SEC14L5: variants seen among roughly 807,000 people sequenced by gnomAD.
SEC14L5 encodes SEC14 like lipid binding 5.
Under a neutral mutation model 84.6 loss-of-function variants are expected in SEC14L5, and 96 were observed. The observed-to-expected ratio is 1.13, with a 90% CI of 0.96 to 1.34. SEC14L5 has a LOEUF of 1.34. Among genes scored for constraint, SEC14L5 ranks in the 40% most tolerant of loss-of-function variants. The pLI is 0.00. For synonymous variants in SEC14L5, 546 were observed against 383.4 expected (o/e 1.42, Z -4.95); for missense variants, 1,224 against 942.5 (o/e 1.30, Z -3.91).
At chr16:4,971,112 A>G (rs966951896) in intron 2 of SEC14L5, among the ~76,000 whole-genome samples, 2 of 150,708 alleles carry the variant, frequency 1.3e-5, no homozygotes, top group Non-Finnish European at 3.0e-5. Context: ...AAAAAAAAGA[A>G]CTAGCTGACT....
intron 10 of SEC14L5, 145 bp from the exon 11 acceptor site, chr16:5,003,257 C>T (rs184935259): frequency 9.1e-5 from 58 of 637,202 alleles, no homozygotes; most frequent in Non-Finnish European, 1.3e-4. Context: ...TCCTCTTCAT[C>T]GCATGGGCTC....
rs1414749495 is a variant in SEC14L5 at position 5,018,063 on chromosome 16, T to TGACCAGGTGACTTAACCTC, written c.*3094_*3112dup. On this transcript the variant is annotated 3_prime_UTR_variant, in exon 16 of 16. Coordinates refer to ENST00000251170, the MANE Select transcript of SEC14L5 (RefSeq NM_014692.2). ...CTTCCTTTCACTAGCTGTGTAACCT[T>TGACCAGGTGACTTAACCTC]GACCAGGTGACTTAACCTCTCTGTG... 2 of 152,428 alleles carry TGACCAGGTGACTTAACCTC rather than the reference T, an allele frequency of 1.3e-5. No individual in the cohort carries two copies. The highest frequency in any genetic ancestry group is 2.9e-5 in the Non-Finnish European group (2 of 68,206). 9.4% of individuals were successfully genotyped at this position (152,428 alleles called of 1,614,324 possible).
At chr16:4,964,919 T>C (rs571062376) in intron 2 of SEC14L5, among the ~76,000 whole-genome samples, 29 of 151,988 alleles carry the variant, frequency 1.9e-4, no homozygotes, top group Admixed American at 4.6e-4. Context: ...TTAGTAGACA[T>C]GGGGTTTCAC....
intron 2 of SEC14L5, among the ~76,000 whole-genome samples, chr16:4,963,431 C>T (rs1374012970): frequency 2.6e-5 from 4 of 151,972 alleles, no homozygotes; most frequent in African/African-American, 4.8e-5. Context: ...CTGCAACCTC[C>T]GCCTTCTGGG....
chr16:4,964,068 A>C (rs80242938), intron 2 of SEC14L5, among the ~76,000 whole-genome samples: 4 of 152,190 alleles, frequency 2.6e-5, no homozygotes, highest in Non-Finnish European at 5.9e-5. Flanking sequence ...GAGAAAAACA[A>C]TTAAGACAAT....
At chr16:4,984,956 CAT>C (rs1478504070) in intron 2 of SEC14L5, among the ~76,000 whole-genome samples, 1 of 152,206 alleles carries the variant, frequency 6.6e-6, no homozygotes, top group Non-Finnish European at 1.5e-5. Context: ...TCTACACACA[CAT>C]GTACACATAT....
chr16:4,977,511 T>C (rs1470922838), intron 2 of SEC14L5, among the ~76,000 whole-genome samples: 2 of 135,604 alleles, frequency 1.5e-5, no homozygotes, highest in East Asian at 2.1e-4. Context: ...AGAGTTAAAA[T>C]GAACACATGC....
intron 2 of SEC14L5, among the ~76,000 whole-genome samples, chr16:4,973,093 A>G (rs1039070610): frequency 2.6e-5 from 4 of 152,248 alleles, no homozygotes; most frequent in African/African-American, 9.6e-5. Context: ...TACATGAGTC[A>G]GCATCCTTTT....
In SEC14L5 at chr16:5,008,510, C is replaced by A. The variant is rs375265997; in HGVS notation, c.1662C>A (p.Thr554=). The part of the protein sequence containing the change: ...RGDVVFSLYH[T]KQAPRLGARE... The stretch of plus-strand genomic sequence containing the variant: ...ACGTGGTGTTCAGCCTGTACCACAC[C>A]AAGCAGGCGCCCAGGCTGGGCGCCC... The change falls in exon 14 of 16, where the codon ACC becomes ACA. Residue 554 remains threonine (T), a synonymous_variant. Coordinates refer to ENST00000251170, the MANE Select transcript of SEC14L5 (RefSeq NM_014692.2). 2 of 1,611,302 alleles carry A rather than the reference C, an allele frequency of 1.2e-6. No homozygotes were observed. The highest frequency in any genetic ancestry group is 1.1e-5 in the South Asian group (1 of 90,698).
chr16:4,983,208 TTCA>T (rs1337955552), intron 2 of SEC14L5, among the ~76,000 whole-genome samples: 4 of 151,904 alleles, frequency 2.6e-5, no homozygotes, highest in African/African-American at 9.7e-5. Context: ...GAGACAGGGT[TTCA>T]TCATGTTAGC....
chr16:4,972,944 C>A (rs531527105), intron 2 of SEC14L5, among the ~76,000 whole-genome samples: 1 of 152,320 alleles, frequency 6.6e-6, no homozygotes, highest in Admixed American at 6.5e-5. Context: ...TATGCTGTTG[C>A]TCATTCATTC....
intron 2 of SEC14L5, among the ~76,000 whole-genome samples, chr16:4,966,323 G>C (rs1377300768): frequency 2.1e-5 from 3 of 143,446 alleles, no homozygotes; most frequent in Admixed American, 1.4e-4. Flanking sequence ...ACCCAGGCTG[G>C]AGTGCAGTGG....
intron 2 of SEC14L5, among the ~76,000 whole-genome samples, chr16:4,963,178 A>G (rs949017257): frequency 2.0e-5 from 3 of 152,206 alleles, no homozygotes; most frequent in African/African-American, 7.2e-5. Context: ...TGATTACAAA[A>G]TTGTGCTTTG....
chr16:5,000,768 A>G, intron 9 of SEC14L5, 25 bp downstream of exon 9: 1 of 1,554,320 alleles, frequency 6.4e-7, no homozygotes, highest in Non-Finnish European at 8.7e-7. Context: ...TCGTTCCTGG[A>G]CGCCGTGCCT....
chr16:4,965,794 C>A (rs534967591), intron 2 of SEC14L5, among the ~76,000 whole-genome samples: 2 of 151,446 alleles, frequency 1.3e-5, no homozygotes, highest in East Asian at 3.9e-4. Flanking sequence ...GTAATCCCAG[C>A]ACTTTAGGAG....
At chr16:4,960,180 C>G (rs1037569311) in intron 2 of SEC14L5, among the ~76,000 whole-genome samples, 1 of 152,180 alleles carries the variant, frequency 6.6e-6, no homozygotes, top group Non-Finnish European at 1.5e-5. Context: ...CTGCATCCCT[C>G]TGCCTCTGAG....
intron 11 of SEC14L5, among the ~76,000 whole-genome samples, chr16:5,005,102 G>C (rs1955716102): frequency 6.6e-6 from 1 of 152,154 alleles, no homozygotes; most frequent in Non-Finnish European, 1.5e-5. Flanking sequence ...CCTGAGGTCA[G>C]GAGTTCAAGA....
intron 2 of SEC14L5, among the ~76,000 whole-genome samples, chr16:4,972,690 A>G (rs978295215): frequency 6.6e-6 from 1 of 152,240 alleles, no homozygotes; most frequent in Admixed American, 6.5e-5. Context: ...AAGCTGAAGA[A>G]TACGTCATTG....
chr16:4,995,434 G>A (rs188247434), intron 6 of SEC14L5, among the ~76,000 whole-genome samples: 2 of 152,290 alleles, frequency 1.3e-5, no homozygotes, highest in Admixed American at 1.3e-4. Flanking sequence ...GAGCATGGCT[G>A]TGTTGCAAGG....
Sources: gnomAD v4.1 joint callset for allele counts (sites outside exome capture counted in the v4.1 genomes callset) on GRCh38, gnomAD v4.1.1 for gene constraint, MANE v1.5 for transcripts, NCBI Gene and HGNC (gene_info 2026-07-23, HGNC 2026-07-21) for gene names.